OR1N2: variants seen among roughly 807,000 people sequenced by gnomAD.
OR1N2 encodes olfactory receptor 1N2.
For missense variants in OR1N2, 358 were observed against 380.2 expected (o/e 0.94, Z 0.49); for synonymous variants, 152 against 149.3 (o/e 1.02, Z -0.13).
In OR1N2 at chr9:122,554,133, T is replaced by C. The variant is rs2119439077; in HGVS notation, c.922T>C (p.Phe308Leu). ...RDMKEALGKL[F>L]VSGKTFFL ...CATGAAGGAGGCTTTGGGTAAACTT[T>C]TTGTCAGTGGAAAAACATTCTTTTT... The change falls in exon 1 of 1, where the codon TTT becomes CTT. Residue 308 changes from phenylalanine to leucine, a missense_variant. By Grantham distance (22) the Phe-to-Leu change is conservative. Coordinates refer to ENST00000373688, the MANE Select transcript of OR1N2 (RefSeq NM_001004457.2). 1 of 1,612,654 alleles carries C rather than the reference T, an allele frequency of 6.2e-7. No homozygotes were observed. The highest frequency in any genetic ancestry group is 2.2e-5 in the East Asian group (1 of 44,868).
rs1411271 is a variant in OR1N2, at chr9:122,553,499, G to C, written c.288G>C (p.Ser96=). The change falls in exon 1 of 1, where the codon TCG becomes TCC. Residue 96 remains serine, a synonymous_variant. Transcript: ENST00000373688. The part of the protein sequence containing the change: ...ANIHTQSQII[S]YSGCLAQLYF... ...TTCATACCCAGAGTCAGATCATCTC[G>C]TATTCTGGGTGTCTTGCACAGCTAT... is the stretch of plus-strand genomic sequence containing the variant. The C allele has an allele frequency of 0.5, 806,874 of 1,613,500 alleles. 203,782 individuals are homozygous for C. Among genetic ancestry groups the C allele is most frequent in the East Asian group, 0.62 (28,013 of 44,866 alleles).
rs1172593993 is a variant in OR1N2, at chr9:122,553,888, G to C, written c.677G>C (p.Trp226Ser). 9 of 1,613,972 alleles carry C rather than the reference G, an allele frequency of 5.6e-6. No homozygotes were observed. The highest frequency in any genetic ancestry group is 6.8e-6 in the Non-Finnish European group (8 of 1,179,962). The stretch of plus-strand genomic sequence containing the variant: ...GTCTTCTCCTATGTCCGCATTTTCT[G>C]GGCTGTGTTTGTCATCTCATCTCCT... ...LIVFSYVRIF[W>S]AVFVISSPGG... The change falls in exon 1 of 1, where the codon TGG (tryptophan) becomes TCG (serine). Residue 226 changes from tryptophan (W) to serine (S), a missense_variant. Physicochemically the swap from Trp to Ser is radical, Grantham distance 177 (BLOSUM62 -3). Transcript: ENST00000373688.
In OR1N2 at chr9:122,554,102, C is replaced by T. The variant is rs764325102; in HGVS notation, c.891C>T (p.Asn297=). 20 of 1,613,648 alleles carry T rather than the reference C, an allele frequency of 1.2e-5. No individual in the cohort carries two copies. Among genetic ancestry groups the T allele is most frequent in the Non-Finnish European group, 1.7e-5 (20 of 1,179,658 alleles). ...ACCCATTCATTTATAGCTTGAGGAA[C>T]AGAGACATGAAGGAGGCTTTGGGTA... The part of the protein sequence containing the change: ...TLNPFIYSLR[N]RDMKEALGKL... The change falls in exon 1 of 1, where the codon AAC becomes AAT. Residue 297 remains asparagine, a synonymous_variant. Coordinates refer to ENST00000373688, the MANE Select transcript of OR1N2 (RefSeq NM_001004457.2).
chr9:122,553,426 C>G lies in OR1N2; in HGVS notation c.215C>G (p.Thr72Ser), dbSNP rs771609411. 6.2e-7 allele frequency: 1 copy of G among 1,614,052 alleles called. No homozygotes were observed. Among genetic ancestry groups the G allele is most frequent in the Non-Finnish European group, 8.5e-7 (1 of 1,180,020 alleles). Residue 72 changes from threonine to serine, a missense_variant, in exon 1 of 1, where the codon ACT (threonine) becomes AGT (serine). By Grantham distance (58) the Thr-to-Ser change is moderately conservative. Transcript: ENST00000373688. ...MYFFLANLSL[T>S]DACFTSASIP... is the part of the protein sequence containing the mutation. ...TTCTTTCTGGCCAACCTGTCATTAA[C>G]TGATGCCTGTTTCACTTCTGCCTCC...
At position 122,553,480 on chromosome 9, in the gene OR1N2, C is replaced by A. The variant is rs1243984599; in HGVS notation, c.269C>A (p.Thr90Asn). The A allele has an allele frequency of 2.5e-6, 4 of 1,613,982 alleles. No individual in the cohort carries two copies. The African/African-American group carries it at 5.3e-5, about 22-fold the overall frequency. ...SIPKMLANIHTQSQIISYSGC... is the reference protein window; with the variant it reads ...SIPKMLANIHNQSQIISYSGC... ...CCCAAAATGCTGGCCAACATTCATA[C>A]CCAGAGTCAGATCATCTCGTATTCT... The change falls in exon 1 of 1, where the codon ACC becomes AAC. Residue 90 changes from threonine to asparagine, a missense_variant. By Grantham distance (65) the Thr-to-Asn change is moderately conservative. Coordinates refer to ENST00000373688, the MANE Select transcript of OR1N2 (RefSeq NM_001004457.2).
At position 122,553,917 on chromosome 9, in the gene OR1N2, G is replaced by C. The variant is rs775010136; in HGVS notation, c.706G>C (p.Gly236Arg). The part of the protein sequence containing the change: ...WAVFVISSPG[G>R]RWKAFSTCGS... ...TGTGTTTGTCATCTCATCTCCTGGA[G>C]GGAGATGGAAGGCCTTCTCTACCTG... Residue 236 changes from glycine (G) to arginine (R), a missense_variant, in exon 1 of 1, where the codon GGG (glycine) becomes CGG (arginine). Gly to Arg is a moderately radical substitution (Grantham distance 125). Coordinates refer to ENST00000373688, the MANE Select transcript of OR1N2 (RefSeq NM_001004457.2). 5.6e-6 allele frequency: 9 copies of C among 1,613,782 alleles called. No homozygotes were observed. In the Admixed American group the frequency reaches 1.3e-4, roughly 24 times the overall value.
At position 122,553,653 on chromosome 9, in the gene OR1N2, C is replaced by T. The variant is rs772516119; in HGVS notation, c.442C>T (p.Leu148=). Residue 148 remains leucine, a synonymous_variant, in exon 1 of 1, where the codon CTG becomes TTG. Coordinates refer to ENST00000373688, the MANE Select transcript of OR1N2 (RefSeq NM_001004457.2). The part of the protein sequence containing the change: ...SMSPQLCALM[L]GVCWVLTNCP... Reference sequence around the variant, plus strand: ...GAGTCCCCAGCTCTGTGCACTAATGCTGGGTGTGTGCTGGGTGCTAACCAA... The same window carrying T: ...GAGTCCCCAGCTCTGTGCACTAATGTTGGGTGTGTGCTGGGTGCTAACCAA... The T allele has an allele frequency of 1.2e-6, 2 of 1,614,014 alleles. No individual in the cohort carries two copies. The highest frequency in any genetic ancestry group is 1.3e-5 in the African/African-American group (1 of 74,916).
chr9:122,553,441 C>T lies in OR1N2; in HGVS notation c.230C>T (p.Thr77Ile). 3 of 1,614,180 alleles carry T rather than the reference C, an allele frequency of 1.9e-6. No individual in the cohort carries two copies. Among genetic ancestry groups the T allele is most frequent in the Non-Finnish European group, 2.5e-6 (3 of 1,180,020 alleles). ...CTGTCATTAACTGATGCCTGTTTCA[C>T]TTCTGCCTCCATCCCCAAAATGCTG... ...ANLSLTDACF[T>I]SASIPKMLAN... Residue 77 changes from threonine to isoleucine, a missense_variant, in exon 1 of 1, where the codon ACT becomes ATT. By Grantham distance (89) the Thr-to-Ile change is moderately conservative. Transcript: ENST00000373688.
In OR1N2 at chr9:122,554,009, A is replaced by C. The variant is rs1829235779; in HGVS notation, c.798A>C (p.Pro266=). 4 of 1,613,774 alleles carry C rather than the reference A, an allele frequency of 2.5e-6. No homozygotes were observed. The highest frequency in any genetic ancestry group is 3.4e-6 in the Non-Finnish European group (4 of 1,179,822). ...GSLMGVYLLP[P]STYSTERESR... is the part of the protein sequence containing the mutation. Reference sequence around the variant, plus strand: ...TTATGGGTGTGTATTTACTTCCTCCATCAACTTACTCTACAGAGAGGGAAA... The same window carrying C: ...TTATGGGTGTGTATTTACTTCCTCCCTCAACTTACTCTACAGAGAGGGAAA... Residue 266 remains proline, a synonymous_variant, in exon 1 of 1, where the codon CCA becomes CCC. Transcript: ENST00000373688.
Position 122,553,608 on chromosome 9 carries a change from C to A in OR1N2, c.397C>A (p.Leu133Ile). 1 of 1,614,138 alleles carries A rather than the reference C, an allele frequency of 6.2e-7. No homozygotes were observed. Residue 133 changes from leucine to isoleucine, a missense_variant, in exon 1 of 1, where the codon CTC becomes ATC. Transcript: ENST00000373688. ...YDRYVAICQP[L>I]HYSTSMSPQL... ...CCGCTATGTGGCCATCTGCCAACCA[C>A]TCCATTACAGCACATCTATGAGTCC...
In OR1N2 at chr9:122,554,071, C is replaced by T. The variant is rs1411272; in HGVS notation, c.860C>T (p.Thr287Met). The T allele has an allele frequency of 0.55, 881,994 of 1,612,180 alleles. 243,426 individuals are homozygous for T. The highest frequency in any genetic ancestry group is 0.63 in the East Asian group (28,056 of 44,842). ...GTTCTCTATATGGTGATTATTCCCA[C>T]GCTAAACCCATTCATTTATAGCTTG... ...AAVLYMVIIP[T>M]LNPFIYSLRN... The change falls in exon 1 of 1, where the codon ACG becomes ATG. Residue 287 changes from threonine to methionine, a missense_variant. Physicochemically the swap from Thr to Met is moderately conservative, Grantham distance 81. Transcript: ENST00000373688.
Position 122,553,321 on chromosome 9 carries a change from T to C in OR1N2, c.110T>C (p.Met37Thr). The part of the protein sequence containing the change: ...QPLLFGIFLG[M>T]YLVTMVGNLL... ...CTTCTGTTTGGCATCTTCCTTGGCA[T>C]GTACCTGGTCACCATGGTGGGGAAC... Residue 37 changes from methionine to threonine, a missense_variant, in exon 1 of 1, where the codon ATG becomes ACG. Physicochemically the swap from Met to Thr is moderately conservative, Grantham distance 81 (BLOSUM62 -1). Transcript: ENST00000373688. 1 of 1,614,052 alleles carries C rather than the reference T, an allele frequency of 6.2e-7. No individual in the cohort carries two copies. Among genetic ancestry groups the C allele is most frequent in the Non-Finnish European group, 8.5e-7 (1 of 1,180,004 alleles).
chr9:122,554,087 T>C lies in OR1N2; in HGVS notation c.876T>C (p.Ile292=). The C allele has an allele frequency of 6.2e-7, 1 of 1,613,614 alleles. No homozygotes were observed. The highest frequency in any genetic ancestry group is 8.5e-7 in the Non-Finnish European group (1 of 1,179,590). ...TTATTCCCACGCTAAACCCATTCAT[T>C]TATAGCTTGAGGAACAGAGACATGA... ...MVIIPTLNPF[I]YSLRNRDMKE... Residue 292 remains isoleucine, a synonymous_variant, in exon 1 of 1, where the codon ATT becomes ATC. Transcript: ENST00000373688.
At position 122,553,115 on chromosome 9, in the gene OR1N2, T is replaced by C; in HGVS notation, c.-97T>C. ...TTCTTTTCTTTTTCTCCCAGCACAGTTCTGGCCACACAGATGCATATCTGT... is the reference window on the plus strand; with the variant it reads ...TTCTTTTCTTTTTCTCCCAGCACAGCTCTGGCCACACAGATGCATATCTGT... On this transcript the variant is annotated 5_prime_UTR_variant, in exon 1 of 1. Transcript: ENST00000373688. The C allele has an allele frequency of 7.7e-7, 1 of 1,293,966 alleles. No homozygotes were observed. Among genetic ancestry groups the C allele is most frequent in the Non-Finnish European group, 1.1e-6 (1 of 924,588 alleles). 80.2% of individuals were successfully genotyped at this position (1,293,966 alleles called of 1,614,324 possible).
Position 122,553,940 on chromosome 9 carries a change from C to G in OR1N2, c.729C>G (p.Thr243=). The change falls in exon 1 of 1, where the codon ACC becomes ACG. Residue 243 remains threonine (T), a synonymous_variant. Transcript: ENST00000373688. ...GAGGGAGATGGAAGGCCTTCTCTAC[C>G]TGTGGTTCTCATCTCACGGTGGTTC... ...SPGGRWKAFS[T]CGSHLTVVLL... 6.2e-7 allele frequency: 1 copy of G among 1,613,950 alleles called. No individual in the cohort carries two copies. Among genetic ancestry groups the G allele is most frequent in the Non-Finnish European group, 8.5e-7 (1 of 1,179,896 alleles).
chr9:122,553,985 T>A lies in OR1N2; in HGVS notation c.774T>A (p.Leu258=). ...LTVVLLFYGS[L]MGVYLLPPST... is the part of the protein sequence containing the mutation. Reference sequence around the variant, plus strand: ...TGGTTCTGCTCTTCTATGGGTCTCTTATGGGTGTGTATTTACTTCCTCCAT... The same window carrying A: ...TGGTTCTGCTCTTCTATGGGTCTCTAATGGGTGTGTATTTACTTCCTCCAT... Residue 258 remains leucine, a synonymous_variant, in exon 1 of 1, where the codon CTT becomes CTA. Transcript: ENST00000373688. 6.2e-7 allele frequency: 1 copy of A among 1,613,756 alleles called. No homozygotes were observed.
rs200687832 is a variant in OR1N2 at position 122,553,970 on chromosome 9, C to T, written c.759C>T (p.Leu253=). The T allele has an allele frequency of 1.5e-5, 25 of 1,613,726 alleles. No individual in the cohort carries two copies. The African/African-American group carries it at 3.2e-4, about 21-fold the overall frequency. ...TCGSHLTVVL[L]FYGSLMGVYL... The stretch of plus-strand genomic sequence containing the variant: ...GTTCTCATCTCACGGTGGTTCTGCT[C>T]TTCTATGGGTCTCTTATGGGTGTGT... Residue 253 remains leucine (L), a synonymous_variant, in exon 1 of 1, where the codon CTC becomes CTT. Transcript: ENST00000373688.
Position 122,553,470 on chromosome 9 carries a change from A to G in OR1N2, c.259A>G (p.Asn87Asp). 1 of 1,614,118 alleles carries G rather than the reference A, an allele frequency of 6.2e-7. No homozygotes were observed. Among genetic ancestry groups the G allele is most frequent in the Non-Finnish European group, 8.5e-7 (1 of 1,180,006 alleles). ...TSASIPKMLA[N>D]IHTQSQIISY... ...TGCCTCCATCCCCAAAATGCTGGCC[A>G]ACATTCATACCCAGAGTCAGATCAT... Residue 87 changes from asparagine (N) to aspartate (D), a missense_variant, in exon 1 of 1, where the codon AAC becomes GAC. Coordinates refer to ENST00000373688, the MANE Select transcript of OR1N2 (RefSeq NM_001004457.2).
In OR1N2 at chr9:122,553,728, G is replaced by T; in HGVS notation, c.517G>T (p.Ala173Ser). Residue 173 changes from alanine to serine, a missense_variant, in exon 1 of 1, where the codon GCC becomes TCC. Transcript: ENST00000373688. ...TLLLTRVAFCAQKAIPHFYCD... is the reference protein window; with the variant it reads ...TLLLTRVAFCSQKAIPHFYCD... ...GTTGCTGACCCGCGTGGCTTTCTGT[G>T]CCCAGAAAGCCATCCCTCATTTCTA... The T allele has an allele frequency of 6.2e-7, 1 of 1,613,792 alleles. No homozygotes were observed. Among genetic ancestry groups the T allele is most frequent in the Non-Finnish European group, 8.5e-7 (1 of 1,179,912 alleles).
Sources: gnomAD v4.1 joint callset for allele counts on GRCh38, gnomAD v4.1.1 for gene constraint, MANE v1.5 for transcripts, NCBI Gene and HGNC (gene_info 2026-07-23, HGNC 2026-07-21) for gene names.